Variants in PPP2R1B observed in about 807,000 individuals in gnomAD.
PPP2R1B encodes the protein protein phosphatase 2 scaffold subunit Abeta.
PPP2R1B carries 58 observed loss-of-function variants against 72.7 expected under a neutral mutation model. The ratio of observed to expected loss-of-function variants is 0.80; its 90% CI spans 0.65 to 0.99. The LOEUF (loss-of-function observed/expected upper bound fraction) is 0.99. PPP2R1B is among the 50% of genes least tolerant of loss of function. PPP2R1B has a pLI of 0.00. For missense variants in PPP2R1B, 695 were observed against 733.6 expected (o/e 0.95, Z 0.61); for synonymous variants, 256 against 264.6 (o/e 0.97, Z 0.32).
At chr11:111,747,679 T>C (rs527259200) in intron 11 of PPP2R1B, among the ~76,000 whole-genome samples, 3 of 152,156 alleles carry the variant, frequency 2.0e-5, no homozygotes. Flanking sequence ...GAGGAGTAAG[T>C]AGATATATAA....
chr11:111,718,913 C>G, the PPP2R1B span: 1 of 152,286 alleles, frequency 6.6e-6, no homozygotes, highest in Non-Finnish European at 1.5e-5. Flanking sequence ...CCAGAACTTG[C>G]AACCACAACC....
chr11:111,704,096 AG>A, the PPP2R1B span, among the ~76,000 whole-genome samples: 1 of 152,256 alleles, frequency 6.6e-6, no homozygotes, highest in Non-Finnish European at 1.5e-5. Context: ...TGAAAGACCA[AG>A]GCTCCGGGCT....
intron 10 of PPP2R1B, among the ~76,000 whole-genome samples, chr11:111,748,548 G>A (rs145894477): frequency 2.0e-5 from 3 of 152,342 alleles, no homozygotes; most frequent in East Asian, 3.9e-4. Context: ...CAGGGCATAT[G>A]GCCCAGGCAT....
At chr11:111,694,919 A>G in the PPP2R1B span, among the ~76,000 whole-genome samples, 2 of 152,208 alleles carry the variant, frequency 1.3e-5, no homozygotes, top group Non-Finnish European at 2.9e-5. Context: ...ATTGGTCAGC[A>G]GGATCACATT....
chr11:111,748,606 C>G (rs1944788643), intron 10 of PPP2R1B, among the ~76,000 whole-genome samples: 1 of 152,190 alleles, frequency 6.6e-6, no homozygotes, highest in East Asian at 1.9e-4. Context: ...CAGGTGGCCA[C>G]TTCAGTGCAG....
downstream of PPP2R1B, chr11:111,722,705 T>C (rs138259064): frequency 6.2e-7 from 1 of 1,614,052 alleles, no homozygotes; most frequent in African/African-American, 1.3e-5. The surrounding 1 kb of genome is among the most constrained non-coding windows in gnomAD (Gnocchi z 4.4). Context: ...ACCTGTCAGC[T>C]TTATTGCAAA....
chr11:111,720,783 T>C, the PPP2R1B span: 1 of 1,573,454 alleles, frequency 6.4e-7, no homozygotes, highest in South Asian at 1.2e-5. Flanking sequence ...CCTCCTCTGC[T>C]TTTTGAAACT....
chr11:111,705,212 T>TA, the PPP2R1B span: 3 of 1,412,954 alleles, frequency 2.1e-6, no homozygotes, highest in Non-Finnish European at 2.8e-6. This position sits in a 1 kb window ranked among gnomAD's most constrained non-coding sequence, Gnocchi z 4.3. Flanking sequence ...TTTCATCTTA[T>TA]ACACAGGGTT....
At chr11:111,702,314 G>T in the PPP2R1B span, among the ~76,000 whole-genome samples, 1 of 152,236 alleles carries the variant, frequency 6.6e-6, no homozygotes, top group Non-Finnish European at 1.5e-5. Context: ...GTCAGGTGCA[G>T]TGGTTTATAC....
At chr11:111,756,126 C>T (rs551727645) in intron 5 of PPP2R1B, among the ~76,000 whole-genome samples, 144 of 151,526 alleles carry the variant, frequency 9.5e-4, no homozygotes, top group African/African-American at 3.2e-3. Context: ...AGGCGAATGG[C>T]GTGAACCCAG....
chr11:111,726,883 C>T (rs1017175836), downstream of PPP2R1B: 8 of 1,285,378 alleles, frequency 6.2e-6, no homozygotes, highest in South Asian at 1.3e-5. Context: ...GTGAGATGAA[C>T]GTGAGGTAAA....
chr11:111,752,633 C>T (rs1256738098), intron 9 of PPP2R1B, among the ~76,000 whole-genome samples: 4 of 152,126 alleles, frequency 2.6e-5, no homozygotes, highest in Admixed American at 2.0e-4. Flanking sequence ...GTTGAAAGAC[C>T]TTGCTCAAGT....
rs1332123004 is a variant in PPP2R1B, at chr11:111,766,331, G to A, written c.31C>T (p.Pro11Ser). ...TCTCCATCTCCACCCGCTGCTCCTG[G>A]GCCGGTCCCGAGCTCTGATGCGCCC... MAGASELGTG[P>S]GAAGGDGDDS... The change falls in exon 1 of 15, where the codon CCA becomes TCA. Residue 11 changes from proline to serine, a missense_variant. Pro to Ser is a moderately conservative substitution (Grantham distance 74, BLOSUM62 -1). Transcript: ENST00000527614. The A allele has an allele frequency of 3.3e-6, 5 of 1,538,024 alleles. No individual in the cohort carries two copies. The highest frequency in any genetic ancestry group is 2.2e-5 in the South Asian group (2 of 89,500).
chr11:111,735,718 T>C (rs953095492), downstream of PPP2R1B, among the ~76,000 whole-genome samples: 3 of 152,176 alleles, frequency 2.0e-5, no homozygotes, highest in African/African-American at 7.2e-5. Flanking sequence ...CTGAGGGCCC[T>C]GAGGCTGGCT....
rs1279138752 is a variant in PPP2R1B, at chr11:111,738,319, G to T, written c.*3277C>A. 3.0e-6 allele frequency: 3 copies of T among 985,398 alleles called. No homozygotes were observed. Among genetic ancestry groups the T allele is most frequent in the Non-Finnish European group, 3.6e-6 (3 of 830,012 alleles). The allele number at this position is 985,398 out of a possible 1,614,324, so 61.0% of individuals were successfully genotyped here. A position where few individuals can be genotyped will look rare whatever the true frequency, so the allele number is the denominator to read the frequency against. On this transcript the variant is annotated 3_prime_UTR_variant, in exon 15 of 15. Transcript: ENST00000527614. ...AAAGTCAGAGGAATTTAAGTAAAAG[G>T]CAAGAGGACAGAACAAGCACCTGAC...
intron 11 of PPP2R1B, among the ~76,000 whole-genome samples, chr11:111,746,367 C>T (rs986447126): frequency 7.2e-5 from 11 of 152,126 alleles, no homozygotes; most frequent in Non-Finnish European, 8.8e-5. Context: ...AGCAAATTAA[C>T]GCGGGAACAG....
chr11:111,745,109 T>G (rs1190499614), intron 11 of PPP2R1B, among the ~76,000 whole-genome samples: 8 of 144,058 alleles, frequency 5.6e-5, no homozygotes, highest in Non-Finnish European at 9.0e-5. Context: ...TGGAGTGCAG[T>G]GGCGAGATCT....
intron 5 of PPP2R1B, among the ~76,000 whole-genome samples, chr11:111,755,829 A>T (rs1555049520): frequency 6.6e-6 from 1 of 151,962 alleles, no homozygotes; most frequent in African/African-American, 2.4e-5. Flanking sequence ...ACCTCAAATG[A>T]TCCACCTGCC....
chr11:111,738,299 C>A lies in PPP2R1B; in HGVS notation c.*3297G>T, dbSNP rs1944400739. 1 of 985,330 alleles carries A rather than the reference C, an allele frequency of 1.0e-6. No homozygotes were observed. Among genetic ancestry groups the A allele is most frequent in the African/African-American group, 1.7e-5 (1 of 57,218 alleles). 61.0% of individuals were successfully genotyped at this position (985,330 alleles called of 1,614,324 possible). ...TAAGAGTGTCACCATTTTTAAAAGT[C>A]AGAGGAATTTAAGTAAAAGGCAAGA... On this transcript the variant is annotated 3_prime_UTR_variant, in exon 15 of 15. Transcript: ENST00000527614.
Sources: allele counts gnomAD v4.1 joint callset (sites outside exome capture counted in the v4.1 genomes callset), GRCh38; gene constraint gnomAD v4.1.1; non-coding constraint Gnocchi (gnomAD v3.1); transcripts MANE v1.5; gene names NCBI Gene and HGNC (gene_info 2026-07-23, HGNC 2026-07-21).